The following GALNT17 variants were observed in gnomAD, a reference collection of about 807,000 sequenced individuals.
GALNT17 encodes the protein polypeptide N-acetylgalactosaminyltransferase 17.
GALNT17 carries 29 observed loss-of-function variants against 63.7 expected under a neutral mutation model. The ratio of observed to expected loss-of-function variants is 0.46; its 90% confidence interval spans 0.34 to 0.62. GALNT17 has a LOEUF of 0.62. Among genes scored for constraint, GALNT17 ranks in the 20% least tolerant of loss-of-function variants. The pLI, the probability that GALNT17 is intolerant of heterozygous loss-of-function variation, is 0.01. For missense variants in GALNT17, 603 were observed against 799.6 expected, an observed-to-expected ratio of 0.75 and a Z score of 2.97; for synonymous variants, 305 against 318.3, an observed-to-expected ratio of 0.96 and a Z score of 0.45.
At chr7:71,608,315 A>T (rs573477050) in intron 6 of GALNT17, among the ~76,000 whole-genome samples, 65 of 152,108 alleles carry the variant, frequency 4.3e-4, no homozygotes, top group Non-Finnish European at 8.7e-4. Flanking sequence ...ACTGTTTCCC[A>T]CTTGCCACTC....
chr7:71,329,923 G>A (rs1280974014), intron 1 of GALNT17, among the ~76,000 whole-genome samples: 3 of 149,424 alleles, frequency 2.0e-5, no homozygotes, highest in Admixed American at 1.3e-4. Flanking sequence ...ATGTATGTGT[G>A]TGTGTGTGTA....
Position 71,651,336 on chromosome 7 carries a change from C to T in GALNT17, c.1081-14075C>T, listed in dbSNP as rs1025042704. Among the ~76,000 whole-genome samples, 14 of 150,182 alleles carry T rather than the reference C, an allele frequency of 9.3e-5. 1 individual carries two copies. The highest frequency in any genetic ancestry group is 7.3e-4 in the Admixed American group (11 of 15,054). ...TTTTTTTTTTTGAGATGGAGTCTTC[C>T]TCTGTCGCCAGGCTAGAGTACAGTG... On this transcript the variant is annotated intron_variant, in intron 6 of 10. Transcript: ENST00000333538.
At chr7:71,401,062 A>G (rs889856950) in intron 3 of GALNT17, among the ~76,000 whole-genome samples, 3 of 151,210 alleles carry the variant, frequency 2.0e-5, no homozygotes, top group Non-Finnish European at 4.4e-5. Flanking sequence ...TGTTTTTACA[A>G]TTAGTGTCCT....
chr7:71,465,116 T>C (rs1787513579), intron 5 of GALNT17, among the ~76,000 whole-genome samples: 1 of 152,224 alleles, frequency 6.6e-6, no homozygotes, highest in East Asian at 1.9e-4. Context: ...GCCACAGACA[T>C]CTAGGTGGCA....
At chr7:71,536,982 C>T (rs531193012) in intron 5 of GALNT17, among the ~76,000 whole-genome samples, 16 of 152,250 alleles carry the variant, frequency 1.1e-4, no homozygotes, top group African/African-American at 3.4e-4. Context: ...ACATACCATG[C>T]GCATTCAAAC....
intron 6 of GALNT17, among the ~76,000 whole-genome samples, chr7:71,593,924 A>C (rs1318093384): frequency 6.6e-6 from 1 of 152,170 alleles, no homozygotes; most frequent in African/African-American, 2.4e-5. Context: ...TTCAGATTCC[A>C]GCTCTCCTAC....
At chr7:71,468,831 G>A (rs1787580586) in intron 5 of GALNT17, among the ~76,000 whole-genome samples, 1 of 152,100 alleles carries the variant, frequency 6.6e-6, no homozygotes, top group Admixed American at 6.6e-5. Context: ...TTCTTGTAGA[G>A]TATAATGCAT....
intron 2 of GALNT17, among the ~76,000 whole-genome samples, chr7:71,377,067 C>CA (rs1792743120): frequency 9.0e-6 from 1 of 111,084 alleles, no homozygotes; most frequent in Admixed American, 1.2e-4. Flanking sequence ...GCCCGGGCAA[C>CA]AGAGCGATAT....
At chr7:71,669,086 G>A (rs890999749) in intron 7 of GALNT17, among the ~76,000 whole-genome samples, 5 of 152,186 alleles carry the variant, frequency 3.3e-5, no homozygotes. Context: ...ACATCAGCGT[G>A]TCCCAGAAAT....
At chr7:71,425,638 C>T (rs796223243) in intron 5 of GALNT17, among the ~76,000 whole-genome samples, 13 of 152,298 alleles carry the variant, frequency 8.5e-5, no homozygotes, top group African/African-American at 3.1e-4. Flanking sequence ...TGCGTCTAGA[C>T]TGCATTTGAC....
At chr7:71,690,216 G>A (rs533228466) in intron 9 of GALNT17, among the ~76,000 whole-genome samples, 47 of 151,894 alleles carry the variant, frequency 3.1e-4, no homozygotes, top group African/African-American at 1.1e-3. Context: ...GTAGAGACAG[G>A]GTTTCCACCA....
chr7:71,701,747 ATATATG>A (rs1791636463), intron 9 of GALNT17, among the ~76,000 whole-genome samples: 4 of 20,664 alleles, frequency 1.9e-4, no homozygotes, highest in East Asian at 0.016. Context: ...ATATGTGTAT[ATATATG>A]TATATATATG....
chr7:71,184,197 C>G (rs1189943617), intron 1 of GALNT17, among the ~76,000 whole-genome samples: 1 of 152,190 alleles, frequency 6.6e-6, no homozygotes, highest in Non-Finnish European at 1.5e-5. Context: ...ATCAACCCCG[C>G]TGACACCTTC....
At chr7:71,329,771 T>C (rs1426467664) in intron 1 of GALNT17, among the ~76,000 whole-genome samples, 1 of 151,890 alleles carries the variant, frequency 6.6e-6, no homozygotes, top group African/African-American at 2.4e-5. Flanking sequence ...TGTAGTCACC[T>C]CCCATCAGGT....
intron 5 of GALNT17, among the ~76,000 whole-genome samples, chr7:71,524,250 ATATAT>A (rs577050360): frequency 1.8e-3 from 269 of 147,616 alleles, no homozygotes; most frequent in Middle Eastern, 7.2e-3. Context: ...TAATAATAAT[ATATAT>A]TATATTATAT....
At chr7:71,158,314 T>G (rs1389517566) in intron 1 of GALNT17, among the ~76,000 whole-genome samples, 1 of 151,770 alleles carries the variant, frequency 6.6e-6, no homozygotes, top group Non-Finnish European at 1.5e-5. Context: ...GTTGACTGCC[T>G]TCTTTGAGAT....
chr7:71,358,581 G>C (rs963791742), intron 2 of GALNT17, among the ~76,000 whole-genome samples: 2 of 152,110 alleles, frequency 1.3e-5, no homozygotes, highest in Non-Finnish European at 2.9e-5. Context: ...CTTGCGCTCT[G>C]TATGAAGGTT....
At chr7:71,533,381 TA>T (rs748676866) in intron 5 of GALNT17, among the ~76,000 whole-genome samples, 80 of 152,328 alleles carry the variant, frequency 5.3e-4, no homozygotes, top group Non-Finnish European at 9.4e-4. Flanking sequence ...ATTTCAGAGC[TA>T]AAATCTTTCC....
intron 3 of GALNT17, among the ~76,000 whole-genome samples, chr7:71,408,997 CATAT>C (rs1211647657): frequency 7.0e-6 from 1 of 142,868 alleles, no homozygotes; most frequent in African/African-American, 2.6e-5. Flanking sequence ...TACACACATA[CATAT>C]ATATGCACAT....
Sources: gnomAD v4.1 joint callset for allele counts (sites outside exome capture counted in the v4.1 genomes callset) on GRCh38, gnomAD v4.1.1 for gene constraint, MANE v1.5 for transcripts, NCBI Gene and HGNC (gene_info 2026-07-23, HGNC 2026-07-21) for gene names.